RAF1: variants seen among roughly 807,000 people sequenced by gnomAD.
RAF1 encodes RAF proto-oncogene serine/threonine-protein kinase.
In RAF1, 27 loss-of-function variants were observed where a neutral mutation model predicts 81.1. The observed-to-expected ratio is 0.33, with a 90% confidence interval of 0.25 to 0.46. RAF1 has a LOEUF of 0.46. Ranked by LOEUF, RAF1 falls within the 20% of genes least tolerant of loss-of-function variation. The pLI is 1.00. For missense variants in RAF1, 598 were observed against 826.0 expected (o/e 0.72, Z 3.38); for synonymous variants, 298 against 294.0 (o/e 1.01, Z -0.14).
chr3:12,605,250 A>ATATATG (rs1553613998), intron 6 of RAF1, among the ~76,000 whole-genome samples: 1 of 144,538 alleles, frequency 6.9e-6, no homozygotes, highest in Non-Finnish European at 1.5e-5. Context: ...ATTACACATT[A>ATATATG]TGTGTGTGTG....
At chr3:12,636,552 T>A (rs1419115026) in intron 1 of RAF1, among the ~76,000 whole-genome samples, 1 of 150,646 alleles carries the variant, frequency 6.6e-6, no homozygotes, top group African/African-American at 2.4e-5. Flanking sequence ...ATGCCTGTAA[T>A]CCCAGCACTT....
chr3:12,643,447 A>C (rs979496420), intron 1 of RAF1, among the ~76,000 whole-genome samples: 1 of 152,176 alleles, frequency 6.6e-6, no homozygotes, highest in African/African-American at 2.4e-5. Flanking sequence ...ACTTGTTTAA[A>C]AATTAAAAAG....
chr3:12,619,783 AC>A (rs1333134632), intron 1 of RAF1, among the ~76,000 whole-genome samples: 2 of 152,028 alleles, frequency 1.3e-5, no homozygotes, highest in Non-Finnish European at 2.9e-5. Flanking sequence ...TATTTTAGGC[AC>A]TTTATAAATT....
At chr3:12,628,346 T>C (rs561556626) in intron 1 of RAF1, among the ~76,000 whole-genome samples, 23 of 151,756 alleles carry the variant, frequency 1.5e-4, no homozygotes, top group African/African-American at 5.6e-4. Context: ...GCCTTGGCAA[T>C]AGTGAGACCT....
intron 11 of RAF1, among the ~76,000 whole-genome samples, chr3:12,596,184 ATTTT>A (rs2058680542): frequency 8.0e-6 from 1 of 124,996 alleles, no homozygotes; most frequent in African/African-American, 3.1e-5. Flanking sequence ...TATAGAAAGA[ATTTT>A]TCTTTCTTTT....
At chr3:12,659,481 A>G (rs1195353349) in intron 1 of RAF1, among the ~76,000 whole-genome samples, 1 of 148,848 alleles carries the variant, frequency 6.7e-6, no homozygotes, top group Non-Finnish European at 1.5e-5. Flanking sequence ...TACCAAAAGT[A>G]CCAACTGAAT....
chr3:12,619,061 C>G (rs1390849128), intron 1 of RAF1, among the ~76,000 whole-genome samples: 1 of 151,374 alleles, frequency 6.6e-6, no homozygotes, highest in South Asian at 2.1e-4. Context: ...CTGGCTAACA[C>G]GGTGAAACCC....
Position 12,659,427 on chromosome 3 carries a change from CAAAA to C in RAF1, c.-27+4382_-27+4385del, listed in dbSNP as rs71063859. 8.6e-3 allele frequency among the ~76,000 whole-genome samples: 410 copies of C among 47,690 alleles called. 17 individuals carry two copies. Among genetic ancestry groups the C allele is most frequent in the African/African-American group, 0.033 (373 of 11,170 alleles). 31.3% of individuals were successfully genotyped at this position (47,690 alleles called of 152,430 possible). ...TGGGCAACAGCACCAGATTTCATCT[CAAAA>C]AAAAAAAAAAAAAATTACACGCAAG... On this transcript the variant is annotated intron_variant, in intron 1 of 17. Coordinates refer to ENST00000442415, the MANE Select transcript of RAF1 (RefSeq NM_001354689.3).
In RAF1 at chr3:12,652,009, C is replaced by CT. The variant is rs2060543828; in HGVS notation, c.-27+11803dup. 3.2e-5 allele frequency among the ~76,000 whole-genome samples: 3 copies of CT among 94,922 alleles called. No homozygotes were observed. The Admixed American group carries it at 3.8e-4, about 12-fold the overall frequency. 62.3% of individuals were successfully genotyped at this position (94,922 alleles called of 152,430 possible). ...GGGCAACAAGAGCGAAACTCCATCT[C>CT]TAAAATAAATAAATAAATAAATAAA... On this transcript the variant is annotated intron_variant, in intron 1 of 17. Transcript: ENST00000442415.
At chr3:12,622,087 T>C (rs529836771) in intron 1 of RAF1, among the ~76,000 whole-genome samples, 1 of 152,336 alleles carries the variant, frequency 6.6e-6, no homozygotes, top group East Asian at 1.9e-4. Flanking sequence ...AGCCTCAACC[T>C]GAGCCCTGAC....
chr3:12,594,019 G>A (rs1012319350), intron 11 of RAF1, among the ~76,000 whole-genome samples: 17 of 152,060 alleles, frequency 1.1e-4, no homozygotes, highest in African/African-American at 4.1e-4. Flanking sequence ...TTTCAGACTG[G>A]GCACATCAGA....
intron 1 of RAF1, among the ~76,000 whole-genome samples, chr3:12,641,614 C>T (rs989210251): frequency 6.6e-6 from 1 of 151,580 alleles, no homozygotes; most frequent in East Asian, 2.0e-4. Context: ...ACCTCAGCCT[C>T]CCAAGCAGTT....
intron 6 of RAF1, among the ~76,000 whole-genome samples, 162 bp downstream of exon 6, chr3:12,606,039 T>G (rs1440296944): frequency 1.1e-5 from 1 of 93,966 alleles, no homozygotes; most frequent in Non-Finnish European, 2.2e-5. Flanking sequence ...AACAGAAATT[T>G]CTACCTTTTC....
intron 1 of RAF1, among the ~76,000 whole-genome samples, chr3:12,648,286 T>TAAAAAAAAAAA (rs34585793): frequency 8.1e-6 from 1 of 124,202 alleles, no homozygotes. Flanking sequence ...ACAGCGAAGT[T>TAAAAAAAAAAA]AAAAAAAAAA....
intron 1 of RAF1, among the ~76,000 whole-genome samples, chr3:12,630,836 A>C (rs993584722): frequency 1.3e-5 from 2 of 152,192 alleles, no homozygotes; most frequent in African/African-American, 4.8e-5. Flanking sequence ...ACAGGGTCTC[A>C]CTTTGTCACC....
chr3:12,599,049 ATGTTGCCAAAATGTTCAG>A (rs1280770784), intron 11 of RAF1: 1 of 152,574 alleles, frequency 6.6e-6, no homozygotes, highest in Non-Finnish European at 1.5e-5. Context: ...AATGCTAAGT[ATGTTGCCAAAATGTTCAG>A]TGTTGCCAAA....
At position 12,584,019 on chromosome 3, in the gene RAF1, G is replaced by A. The variant is rs12808; in HGVS notation, c.*495C>T. The A allele has an allele frequency of 2.4e-3, 609 of 252,422 alleles. 3 individuals are homozygous for A. Among genetic ancestry groups the A allele is most frequent in the African/African-American group, 0.011 (519 of 45,922 alleles). 15.6% of individuals were successfully genotyped at this position (252,422 alleles called of 1,614,324 possible). ...GGCTCCTTCGGGCGGCCAGAGTCTC[G>A]GCAGTCCTGGGCTGTTTGGTGCCTT... On this transcript the variant is annotated 3_prime_UTR_variant, in exon 18 of 18. Coordinates refer to ENST00000442415, the MANE Select transcript of RAF1 (RefSeq NM_001354689.3).
chr3:12,591,650 T>A (rs2058517887), intron 12 of RAF1, 58 bp downstream of exon 11: 6 of 1,461,922 alleles, frequency 4.1e-6, no homozygotes, highest in Non-Finnish European at 5.8e-6. Context: ...AACTCTACAG[T>A]CCTTGTACTC....
intron 2 of RAF1, among the ~76,000 whole-genome samples, chr3:12,613,526 A>G (rs17037024): frequency 0.035 from 5,224 of 150,252 alleles, 314 homozygotes; most frequent in African/African-American, 0.12. Flanking sequence ...CAAAAGGCCC[A>G]AAGTGTTCTT....
Sources: allele counts gnomAD v4.1 joint callset (sites outside exome capture counted in the v4.1 genomes callset), GRCh38; gene constraint gnomAD v4.1.1; transcripts MANE v1.5; gene names NCBI Gene and HGNC (gene_info 2026-07-23, HGNC 2026-07-21).